Variants in DCLRE1C observed in about 807,000 individuals in gnomAD.
DCLRE1C encodes the protein DNA cross-link repair 1C, also known as protein artemis.
Under a neutral mutation model 61.4 loss-of-function variants are expected in DCLRE1C, and 47 were observed. That is an observed-to-expected ratio of 0.77 (90% CI 0.61 to 0.98). The LOEUF (loss-of-function observed/expected upper bound fraction) is 0.98. Among genes scored for constraint, DCLRE1C ranks in the 50% least tolerant of loss-of-function variants. DCLRE1C has a pLI of 0.00. For missense variants in DCLRE1C, 858 were observed against 816.0 expected (o/e 1.05, Z -0.63); for synonymous variants, 337 against 287.6 (o/e 1.17, Z -1.74).
chr10:14,922,692 T>C (rs776193521), intron 12 of DCLRE1C, among the ~76,000 whole-genome samples: 1 of 152,122 alleles, frequency 6.6e-6, no homozygotes, highest in African/African-American at 2.4e-5. Flanking sequence ...ATTTTGCTGA[T>C]TCAGAATGAC....
At chr10:14,925,023 C>G (rs1033683349) in intron 11 of DCLRE1C, among the ~76,000 whole-genome samples, 28 of 151,770 alleles carry the variant, frequency 1.8e-4, no homozygotes, top group African/African-American at 6.5e-4. Flanking sequence ...GCCAATAACT[C>G]TACATAAAAA....
chr10:14,909,291 A>G lies in DCLRE1C; in HGVS notation c.1196T>C (p.Ile399Thr). The G allele has an allele frequency of 1.2e-6, 2 of 1,613,896 alleles. No individual in the cohort carries two copies. Among genetic ancestry groups the G allele is most frequent in the East Asian group, 2.2e-5 (1 of 44,880 alleles). The change falls in exon 14 of 14, where the codon ATA (isoleucine) becomes ACA (threonine). Residue 399 changes from isoleucine to threonine, a missense_variant. Ile to Thr is a moderately conservative substitution (Grantham distance 89). This residue lies in a region of DCLRE1C where 843 missense variants were observed against 783.5 expected (regional missense o/e 1.08). Coordinates refer to ENST00000378278, the MANE Select transcript of DCLRE1C (RefSeq NM_001033855.3). ...DDYLFDDPLP[I>T]PLRHKVPYPE... is the part of the protein sequence containing the mutation. ...GTATGGAACTTTGTGCCTTAAAGGT[A>G]TTGGCAGAGGATCATCAAAGAGATA...
chr10:14,934,334 A>G, intron 8 of DCLRE1C, 46 bp downstream of exon 8: 1 of 1,597,174 alleles, frequency 6.3e-7, no homozygotes. Context: ...TCTCAAAAAA[A>G]AAAAAAAAAG....
chr10:14,908,327 G>C lies in DCLRE1C; in HGVS notation c.*81C>G. 5 of 1,147,760 alleles carry C rather than the reference G, an allele frequency of 4.4e-6. No individual in the cohort carries two copies. The South Asian group carries it at 6.3e-5, about 14-fold the overall frequency. 71.1% of individuals were successfully genotyped at this position (1,147,760 alleles called of 1,614,324 possible). A position where few individuals can be genotyped will look rare whatever the true frequency, so the allele number is the denominator to read the frequency against. On this transcript the variant is annotated 3_prime_UTR_variant, in exon 14 of 14. Coordinates refer to ENST00000378278, the MANE Select transcript of DCLRE1C (RefSeq NM_001033855.3). ...GGTTATTTGAACATTTTTAAGTACTGTATTTTCTCTATTGTAATATTGACT... is the reference window on the plus strand; with the variant it reads ...GGTTATTTGAACATTTTTAAGTACTCTATTTTCTCTATTGTAATATTGACT...
chr10:14,939,140 T>C (rs1225577423), intron 4 of DCLRE1C, among the ~76,000 whole-genome samples: 1 of 152,074 alleles, frequency 6.6e-6, no homozygotes, highest in Non-Finnish European at 1.5e-5. Context: ...AGACAGCATC[T>C]AAGAACCAGG....
intron 8 of DCLRE1C, among the ~76,000 whole-genome samples, chr10:14,933,749 A>C (rs1454097573): frequency 2.6e-5 from 4 of 152,234 alleles, no homozygotes; most frequent in African/African-American, 7.2e-5. Flanking sequence ...ATTTATTTTC[A>C]ATGCTGGTCA....
At chr10:14,944,673 CT>C (rs1165126470) in intron 3 of DCLRE1C, among the ~76,000 whole-genome samples, 10,044 of 117,642 alleles carry the variant, frequency 0.085, 380 homozygotes, top group Middle Eastern at 0.099. Flanking sequence ...TTTTTTTTTT[CT>C]TTTTTTTTTT....
intron 10 of DCLRE1C, 34 bp downstream of exon 10, chr10:14,927,982 T>A: frequency 1.2e-6 from 2 of 1,611,076 alleles, no homozygotes; most frequent in Non-Finnish European, 1.7e-6. Flanking sequence ...TACTCAAAGT[T>A]TCTCTCAGAA....
rs375736366 is a variant in DCLRE1C at position 14,897,449 on chromosome 10, C to T, written c.*1715G>A. ...TTGCATCTTTCGAACTAGCAATGGA[C>T]GTGGCTGGGGTGTAAAGACCCTTGT... On this transcript the variant is annotated 3_prime_UTR_variant, in exon 14 of 14. Transcript: ENST00000378289. The T allele has an allele frequency of 2.6e-5, 42 of 1,611,174 alleles. No homozygotes were observed. The African/African-American group carries it at 3.3e-4, about 13-fold the overall frequency.
chr10:14,902,295 A>AC (rs1815416077), downstream of DCLRE1C: 11 of 595,854 alleles, frequency 1.8e-5, no homozygotes, highest in East Asian at 1.5e-4. Flanking sequence ...GGTCTTGACC[A>AC]TGTAAGTACC....
At chr10:14,937,245 T>A (rs1177888584) in intron 4 of DCLRE1C, among the ~76,000 whole-genome samples, 1 of 151,654 alleles carries the variant, frequency 6.6e-6, no homozygotes, top group Non-Finnish European at 1.5e-5. Flanking sequence ...GATACACAAG[T>A]GTGTGACTCG....
intron 4 of DCLRE1C, among the ~76,000 whole-genome samples, chr10:14,938,963 C>T (rs185520924): frequency 1.3e-5 from 2 of 152,254 alleles, no homozygotes; most frequent in Admixed American, 1.3e-4. Flanking sequence ...TGTCCCTCCC[C>T]AAAATTCCTA....
chr10:14,911,191 G>A (rs1041349477), intron 13 of DCLRE1C: 3 of 152,250 alleles, frequency 2.0e-5, no homozygotes, highest in East Asian at 1.9e-4. Flanking sequence ...AGAACTCACC[G>A]TGCCAGGAAC....
intron 12 of DCLRE1C, among the ~76,000 whole-genome samples, chr10:14,922,274 C>G (rs1364173595): frequency 1.3e-5 from 2 of 152,038 alleles, no homozygotes; most frequent in Admixed American, 1.3e-4. Flanking sequence ...AACCTTGTCT[C>G]TACTAAAAAT....
At chr10:14,953,393 A>G (rs1350284555) in intron 1 of DCLRE1C, among the ~76,000 whole-genome samples, 1 of 152,108 alleles carries the variant, frequency 6.6e-6, no homozygotes, top group East Asian at 1.9e-4. Flanking sequence ...CATCCCTCCA[A>G]CCTAAACTAG....
intron 12 of DCLRE1C, among the ~76,000 whole-genome samples, chr10:14,922,004 G>T (rs909251463): frequency 6.6e-6 from 1 of 152,206 alleles, no homozygotes; most frequent in Admixed American, 6.5e-5. Flanking sequence ...CTGACACGGG[G>T]CCTCATTCCT....
intron 1 of DCLRE1C, among the ~76,000 whole-genome samples, chr10:14,952,746 G>A (rs1419179783): frequency 6.6e-6 from 1 of 152,182 alleles, no homozygotes; most frequent in Non-Finnish European, 1.5e-5. Context: ...GCTCAAAGAC[G>A]TGCACGATGC....
At chr10:14,933,095 G>A in intron 8 of DCLRE1C, 140 bp from the exon 9 acceptor site, 2 of 894,328 alleles carry the variant, frequency 2.2e-6, no homozygotes, top group Non-Finnish European at 1.8e-6. Context: ...TGGCTATTCA[G>A]TGCACTCTGG....
At chr10:14,912,340 G>A (rs1835396674) in intron 13 of DCLRE1C, among the ~76,000 whole-genome samples, 1 of 152,164 alleles carries the variant, frequency 6.6e-6, no homozygotes, top group African/African-American at 2.4e-5. Context: ...ATAGGCGTGA[G>A]CCACTATGCC....
Sources: gnomAD v4.1 joint callset for allele counts (sites outside exome capture counted in the v4.1 genomes callset) on GRCh38, gnomAD v4.1.1 for gene constraint, gnomAD v4.1.1 regional missense constraint, MANE v1.5 for transcripts, NCBI Gene and HGNC (gene_info 2026-07-23, HGNC 2026-07-21) for gene names.